Variants in PDZRN4 observed in about 807,000 individuals in gnomAD.
PDZRN4 encodes the protein PDZ domain containing ring finger 4, also known as PDZ domain-containing RING finger protein 4.
A neutral mutation model predicts 99.0 loss-of-function variants in PDZRN4; 70 were observed. That is an observed-to-expected ratio of 0.71 (90% confidence interval 0.58 to 0.86). PDZRN4 has a LOEUF of 0.86. PDZRN4 is among the 40% of genes least tolerant of loss of function. PDZRN4 has a pLI of 0.00. For synonymous variants in PDZRN4, 551 were observed against 501.6 expected, an observed-to-expected ratio of 1.10 and a Z score of -1.32; for missense variants, 1,474 against 1,331.2, an observed-to-expected ratio of 1.11 and a Z score of -1.67.
intron 3 of PDZRN4, among the ~76,000 whole-genome samples, chr12:41,313,172 T>C (rs11180770): frequency 0.45 from 68,460 of 151,960 alleles, 18,419 homozygotes; most frequent in Middle Eastern, 0.66. Flanking sequence ...ACCCATCACA[T>C]ATTCAATACT....
At chr12:41,492,397 T>C (rs1207714661) in intron 3 of PDZRN4, among the ~76,000 whole-genome samples, 1 of 152,182 alleles carries the variant, frequency 6.6e-6, no homozygotes, top group African/African-American at 2.4e-5. Flanking sequence ...AGCAAAATTA[T>C]GCTGTTCTTA....
chr12:41,504,121 T>G (rs1364660206), intron 3 of PDZRN4, among the ~76,000 whole-genome samples: 1 of 151,910 alleles, frequency 6.6e-6, no homozygotes, highest in Non-Finnish European at 1.5e-5. Context: ...ATACAAAAGT[T>G]AGCCTGGCAT....
intron 3 of PDZRN4, among the ~76,000 whole-genome samples, chr12:41,201,099 G>T (rs1244356867): frequency 2.6e-5 from 4 of 151,000 alleles, no homozygotes; most frequent in Non-Finnish European, 4.4e-5. Flanking sequence ...ATTTTCAATT[G>T]GTTAAACCCA....
At chr12:41,189,667 G>C (rs575664423) in intron 1 of PDZRN4, among the ~76,000 whole-genome samples, 10 of 152,282 alleles carry the variant, frequency 6.6e-5, no homozygotes. Context: ...GTTGGGGCCA[G>C]GACAGCCTCA....
intron 5 of PDZRN4, among the ~76,000 whole-genome samples, chr12:41,542,881 G>A (rs190717008): frequency 1.3e-5 from 2 of 151,786 alleles, no homozygotes; most frequent in African/African-American, 4.8e-5. Flanking sequence ...CTTTTGCTTG[G>A]GTTAAATACC....
chr12:41,252,672 G>A (rs1298202429), intron 3 of PDZRN4, among the ~76,000 whole-genome samples: 2 of 151,920 alleles, frequency 1.3e-5, no homozygotes, highest in Non-Finnish European at 2.9e-5. Flanking sequence ...CCCGGGAGGT[G>A]GAGGTTGCAG....
At position 41,506,456 on chromosome 12, in the gene PDZRN4, G is replaced by A. The variant is rs1380555885; in HGVS notation, c.844G>A (p.Val282Ile). The part of the protein sequence containing the change: ...GLEIHDKIME[V>I]NGKDLSKATH... Reference sequence around the variant, plus strand: ...GAACAATGTCCTTATATGTTTGTAGGTCAATGGGAAGGATCTTTCAAAGGC... The same window carrying A: ...GAACAATGTCCTTATATGTTTGTAGATCAATGGGAAGGATCTTTCAAAGGC... Residue 282 changes from valine (V) to isoleucine (I), a missense_variant and splice_region_variant, in exon 4 of 10, where the codon GTC becomes ATC. Transcript: ENST00000402685. The A allele has an allele frequency of 1.9e-6, 3 of 1,608,738 alleles. No homozygotes were observed. Among genetic ancestry groups the A allele is most frequent in the African/African-American group, 1.3e-5 (1 of 74,824 alleles).
chr12:41,344,068 G>A (rs1951836203), intron 3 of PDZRN4, among the ~76,000 whole-genome samples: 1 of 151,960 alleles, frequency 6.6e-6, no homozygotes, highest in Non-Finnish European at 1.5e-5. Context: ...GACATTTTAT[G>A]TTTCTTTCTT....
intron 3 of PDZRN4, among the ~76,000 whole-genome samples, chr12:41,395,822 T>C (rs1248018563): frequency 1.3e-5 from 2 of 152,284 alleles, no homozygotes; most frequent in East Asian, 3.9e-4. Flanking sequence ...AGCTGAATAG[T>C]ATATTAGGAC....
chr12:41,555,298 C>A (rs994488009), intron 6 of PDZRN4, among the ~76,000 whole-genome samples: 1 of 144,844 alleles, frequency 6.9e-6, no homozygotes, highest in African/African-American at 2.5e-5. Context: ...TTTGCTAAGA[C>A]AAAAAGTAAA....
intron 3 of PDZRN4, among the ~76,000 whole-genome samples, chr12:41,212,092 C>T (rs1490600976): frequency 6.6e-6 from 1 of 151,944 alleles, no homozygotes. Context: ...AGGGCTGAAT[C>T]TCATGTTAAC....
intron 6 of PDZRN4, 48 bp downstream of exon 6, chr12:41,552,802 A>G: frequency 7.1e-7 from 1 of 1,412,534 alleles, no homozygotes; most frequent in South Asian, 1.2e-5. Context: ...ACTAGGAAGA[A>G]CAGAGCGAAA....
intron 8 of PDZRN4, among the ~76,000 whole-genome samples, chr12:41,564,826 C>A (rs1034408252): frequency 2.0e-5 from 3 of 152,054 alleles, no homozygotes; most frequent in African/African-American, 7.2e-5. Context: ...CCAGTTATCT[C>A]GCTGCTCCCA....
chr12:41,319,016 A>G (rs377525342), intron 3 of PDZRN4, among the ~76,000 whole-genome samples: 11 of 152,302 alleles, frequency 7.2e-5, no homozygotes, highest in African/African-American at 2.6e-4. Context: ...CCTAGCACGT[A>G]TGTTGCATAA....
intron 3 of PDZRN4, among the ~76,000 whole-genome samples, chr12:41,267,065 C>A (rs774955239): frequency 6.6e-6 from 1 of 152,000 alleles, no homozygotes; most frequent in African/African-American, 2.4e-5. Flanking sequence ...TTTTTTTTCA[C>A]GGGCTCTACA....
At chr12:41,462,928 C>A (rs1952886379) in intron 3 of PDZRN4, among the ~76,000 whole-genome samples, 1 of 152,146 alleles carries the variant, frequency 6.6e-6, no homozygotes, top group Non-Finnish European at 1.5e-5. Flanking sequence ...ACTCTTGGTG[C>A]ATCTTGGCTT....
intron 3 of PDZRN4, among the ~76,000 whole-genome samples, chr12:41,263,308 T>C (rs1951255195): frequency 6.6e-6 from 1 of 152,124 alleles, no homozygotes; most frequent in Non-Finnish European, 1.5e-5. Context: ...ATCCCAGCAC[T>C]TTGGGTGGCC....
At chr12:41,428,901 G>A (rs1262235052) in intron 3 of PDZRN4, among the ~76,000 whole-genome samples, 1 of 152,104 alleles carries the variant, frequency 6.6e-6, no homozygotes, top group East Asian at 1.9e-4. Flanking sequence ...AGATTGACAG[G>A]GCCTTGTCAC....
chr12:41,511,468 A>C (rs1201366938), intron 5 of PDZRN4, among the ~76,000 whole-genome samples: 1 of 152,060 alleles, frequency 6.6e-6, no homozygotes, highest in African/African-American at 2.4e-5. Context: ...ACAGCATCAT[A>C]GTCATTAATT....
Sources: gnomAD v4.1 joint callset for allele counts (sites outside exome capture counted in the v4.1 genomes callset) on GRCh38, gnomAD v4.1.1 for gene constraint, MANE v1.5 for transcripts, NCBI Gene and HGNC (gene_info 2026-07-23, HGNC 2026-07-21) for gene names.